Variants in EIF3H observed in about 807,000 individuals in gnomAD.
EIF3H encodes eIF-3-gamma.
In EIF3H, 26 loss-of-function variants were observed where a neutral mutation model predicts 44.2. The ratio of observed to expected loss-of-function variants is 0.59; its 90% CI spans 0.43 to 0.82. The LOEUF (loss-of-function observed/expected upper bound fraction) is 0.82. EIF3H is among the 40% of genes least tolerant of loss of function. The pLI is 0.00. For synonymous variants in EIF3H, 166 were observed against 151.9 expected (o/e 1.09, Z -0.68); for missense variants, 359 against 432.8 (o/e 0.83, Z 1.51).
At position 116,643,530 on chromosome 8, in the gene EIF3H, CA is replaced by C. The variant is rs1459663790; in HGVS notation, c.*1475del. ...TACAGGCTGAGTGGCTGCCACATAC[CA>C]ACCAGAGTTTGCATGCTTCACCCAA... On this transcript the variant is annotated 3_prime_UTR_variant, in exon 8 of 8. Coordinates refer to ENST00000521861, the MANE Select transcript of EIF3H (RefSeq NM_003756.3). The C allele has an allele frequency of 6.6e-6, 1 of 152,126 alleles. No individual in the cohort carries two copies. Among genetic ancestry groups the C allele is most frequent in the African/African-American group, 2.4e-5 (1 of 41,410 alleles). The allele number at this position is 152,126 out of a possible 1,614,324, so 9.4% of individuals were successfully genotyped here.
chr8:116,733,482 G>A (rs1362207745), intron 1 of EIF3H, among the ~76,000 whole-genome samples: 1 of 151,900 alleles, frequency 6.6e-6, no homozygotes, highest in Non-Finnish European at 1.5e-5. Context: ...TGTGATCAAA[G>A]AAAAAGCATT....
intron 2 of EIF3H, among the ~76,000 whole-genome samples, chr8:116,678,186 G>C (rs1457555490): frequency 6.6e-5 from 10 of 151,980 alleles, no homozygotes; most frequent in Admixed American, 6.5e-4. Context: ...GTGGAGACGG[G>C]GTTTTGCTGT....
At chr8:116,753,783 G>C (rs1815397102) in intron 1 of EIF3H, among the ~76,000 whole-genome samples, 1 of 152,030 alleles carries the variant, frequency 6.6e-6, no homozygotes, top group Admixed American at 6.6e-5. Context: ...GATAGTATTT[G>C]GCACTTAACA....
intron 2 of EIF3H, among the ~76,000 whole-genome samples, chr8:116,707,826 C>T (rs1298239159): frequency 6.6e-6 from 1 of 152,132 alleles, no homozygotes; most frequent in African/African-American, 2.4e-5. Context: ...CAAAGTTTTC[C>T]ATAATCTGAC....
At chr8:116,660,041 C>A (rs980496104) in intron 2 of EIF3H, among the ~76,000 whole-genome samples, 2 of 152,004 alleles carry the variant, frequency 1.3e-5, no homozygotes, top group Non-Finnish European at 2.9e-5. Flanking sequence ...TGTGAACCAC[C>A]GCACCCGGCT....
At chr8:116,759,951 G>A (rs1172309905), upstream of EIF3H, among the ~76,000 whole-genome samples, 1 of 152,224 alleles carries the variant, frequency 6.6e-6, no homozygotes, top group African/African-American at 2.4e-5. Context: ...GGCTGGCCTC[G>A]AACTCCTGGG....
chr8:116,673,637 TGTCATA>T (rs1813793305), intron 2 of EIF3H, among the ~76,000 whole-genome samples: 1 of 152,122 alleles, frequency 6.6e-6, no homozygotes. Context: ...GCATTAACTG[TGTCATA>T]AATAAGGGGT....
chr8:116,694,412 T>C (rs1198878687), intron 2 of EIF3H, among the ~76,000 whole-genome samples: 1 of 152,238 alleles, frequency 6.6e-6, no homozygotes, highest in Non-Finnish European at 1.5e-5. Flanking sequence ...TTGTGAACTG[T>C]CTAAACCATC....
intron 1 of EIF3H, among the ~76,000 whole-genome samples, chr8:116,745,783 T>C (rs187102370): frequency 6.6e-6 from 1 of 151,882 alleles, no homozygotes; most frequent in East Asian, 1.9e-4. Flanking sequence ...ATACAAAAAT[T>C]AGCAGGGCAT....
chr8:116,645,840 T>A (rs10108262), intron 7 of EIF3H, among the ~76,000 whole-genome samples: 65,004 of 152,104 alleles, frequency 0.43, 17,456 homozygotes, highest in Non-Finnish European at 0.6. Flanking sequence ...AGCTTTTGAG[T>A]AGGATTTTCA....
intron 2 of EIF3H, among the ~76,000 whole-genome samples, chr8:116,666,101 C>T (rs2130807223): frequency 1.3e-5 from 2 of 152,248 alleles, no homozygotes; most frequent in South Asian, 4.2e-4. Flanking sequence ...TTCTATTCTA[C>T]CTAGACACTA....
chr8:116,757,796 A>C (rs1437365790), upstream of EIF3H, among the ~76,000 whole-genome samples: 4 of 150,522 alleles, frequency 2.7e-5, no homozygotes, highest in Non-Finnish European at 5.9e-5. Flanking sequence ...ATCTTGGCTC[A>C]CTGCAACCTC....
chr8:116,673,199 T>A (rs1484046430), intron 2 of EIF3H, among the ~76,000 whole-genome samples: 1 of 152,070 alleles, frequency 6.6e-6, no homozygotes, highest in Non-Finnish European at 1.5e-5. Flanking sequence ...TTTTAAAACA[T>A]CAGCAAAAGC....
At chr8:116,748,042 C>T (rs912501231) in intron 1 of EIF3H, among the ~76,000 whole-genome samples, 2 of 151,852 alleles carry the variant, frequency 1.3e-5, no homozygotes, top group African/African-American at 2.4e-5. Flanking sequence ...ACCTGGGAGG[C>T]GGAGGTTGCA....
Position 116,688,922 on chromosome 8 carries a change from G to A in EIF3H, c.290-29942C>T, listed in dbSNP as rs529304660. ...ACTTCCTAAAGGGATTGTATGTAGA[G>A]TTACCATATGACCCAGCAATTCCCT... On this transcript the variant is annotated intron_variant, in intron 2 of 7. Transcript: ENST00000521861. 236 of 257,518 alleles carry A rather than the reference G, an allele frequency of 9.2e-4. 4 individuals are homozygous for A. The highest frequency in any genetic ancestry group is 7.8e-3 in the South Asian group (230 of 29,436). The allele number at this position is 257,518 out of a possible 1,614,324, so 16.0% of individuals were successfully genotyped here. A position where few individuals can be genotyped will look rare whatever the true frequency, so the allele number is the denominator to read the frequency against.
chr8:116,671,761 C>T (rs1343801848), intron 2 of EIF3H, among the ~76,000 whole-genome samples: 1 of 152,132 alleles, frequency 6.6e-6, no homozygotes, highest in Non-Finnish European at 1.5e-5. Context: ...CTGGGTAATC[C>T]CACAGAGTTC....
chr8:116,764,298 T>A (rs1815546159), intron 1 of EIF3H, among the ~76,000 whole-genome samples: 1 of 152,220 alleles, frequency 6.6e-6, no homozygotes. Flanking sequence ...AATTTCAGAT[T>A]TAAATTTATA....
intron 2 of EIF3H, among the ~76,000 whole-genome samples, chr8:116,684,754 T>C (rs1814046044): frequency 6.6e-6 from 1 of 152,204 alleles, no homozygotes; most frequent in Admixed American, 6.5e-5. Flanking sequence ...GAAATATGCA[T>C]AGCATCAAAA....
intron 2 of EIF3H, among the ~76,000 whole-genome samples, chr8:116,664,686 T>C (rs901357852): frequency 5.3e-5 from 8 of 152,166 alleles, no homozygotes; most frequent in Non-Finnish European, 1.0e-4. Context: ...ACTCAAGATA[T>C]GTTCAGTAGA....
Sources: allele counts gnomAD v4.1 joint callset (sites outside exome capture counted in the v4.1 genomes callset), GRCh38; gene constraint gnomAD v4.1.1; transcripts MANE v1.5; gene names NCBI Gene and HGNC (gene_info 2026-07-23, HGNC 2026-07-21).